The following TMEM132B variants were observed in gnomAD, a reference collection of about 807,000 sequenced individuals.
TMEM132B encodes the protein transmembrane protein 132B.
A neutral mutation model predicts 90.8 loss-of-function variants in TMEM132B; 18 were observed. The ratio of observed to expected loss-of-function variants is 0.20; its 90% CI spans 0.14 to 0.29. The LOEUF (loss-of-function observed/expected upper bound fraction) is 0.29, where lower values mean the gene tolerates loss of function less well. TMEM132B is among the 10% of genes least tolerant of loss of function. TMEM132B has a pLI of 1.00. For synonymous variants in TMEM132B, 504 were observed against 523.3 expected, an observed-to-expected ratio of 0.96 and a Z score of 0.50; for missense variants, 1,096 against 1,326.8, an observed-to-expected ratio of 0.83 and a Z score of 2.70.
chr12:125,647,500 T>C (rs1886796498), intron 6 of TMEM132B, among the ~76,000 whole-genome samples: 1 of 152,238 alleles, frequency 6.6e-6, no homozygotes, highest in African/African-American at 2.4e-5. Context: ...GCAATGAATT[T>C]CTTGCCTGAA....
Position 125,232,730 on chromosome 12 carries a change from A to G in TMEM132B, c.67+45864A>G, listed in dbSNP as rs77821175. Among the ~76,000 whole-genome samples, 1,124 of 152,314 alleles carry G rather than the reference A, an allele frequency of 7.4e-3. 11 individuals carry two copies. The highest frequency in any genetic ancestry group is 0.023 in the African/African-American group (953 of 41,566). ...CTCTCATGTTTTTCCTAAGGACCCAAGCTTCAAGCTTGACTTGTTTGGGCA... is the reference window on the plus strand; with the variant it reads ...CTCTCATGTTTTTCCTAAGGACCCAGGCTTCAAGCTTGACTTGTTTGGGCA... On this transcript the variant is annotated intron_variant, in intron 1 of 8. Transcript: ENST00000682704.
At chr12:125,577,284 T>G (rs1234492329) in intron 4 of TMEM132B, among the ~76,000 whole-genome samples, 1 of 151,552 alleles carries the variant, frequency 6.6e-6, no homozygotes, top group Non-Finnish European at 1.5e-5. Flanking sequence ...TGCTCTAGTA[T>G]TCCTCTATAA....
At chr12:125,279,406 T>C (rs1279601731) in intron 1 of TMEM132B, among the ~76,000 whole-genome samples, 1 of 152,206 alleles carries the variant, frequency 6.6e-6, no homozygotes, top group Non-Finnish European at 1.5e-5. Flanking sequence ...GTACAAACCA[T>C]GTGACTTATG....
intron 3 of TMEM132B, among the ~76,000 whole-genome samples, chr12:125,453,590 C>CA (rs1235377620): frequency 3.3e-5 from 5 of 152,026 alleles, no homozygotes; most frequent in Non-Finnish European, 5.9e-5. Context: ...AAACCAAGTG[C>CA]AAAAAAATCA....
intron 1 of TMEM132B, among the ~76,000 whole-genome samples, chr12:125,239,762 G>A (rs773466010): frequency 6.6e-6 from 1 of 152,216 alleles, no homozygotes; most frequent in Non-Finnish European, 1.5e-5. Context: ...GGAGGTGCCC[G>A]GCTTTCGCGA....
chr12:125,443,483 G>A (rs553264195), intron 3 of TMEM132B, among the ~76,000 whole-genome samples: 1 of 152,268 alleles, frequency 6.6e-6, no homozygotes, highest in East Asian at 1.9e-4. Context: ...GTGATTATGT[G>A]TTAGTCCCTC....
At chr12:125,545,072 C>T (rs1318621394) in intron 4 of TMEM132B, among the ~76,000 whole-genome samples, 1 of 152,130 alleles carries the variant, frequency 6.6e-6, no homozygotes, top group Non-Finnish European at 1.5e-5. Context: ...TAAGCGTGAC[C>T]TCCAGGTCTG....
At chr12:125,438,401 C>T (rs1880762345) in intron 3 of TMEM132B, among the ~76,000 whole-genome samples, 2 of 152,178 alleles carry the variant, frequency 1.3e-5, no homozygotes, top group African/African-American at 2.4e-5. Flanking sequence ...CTGGTGCCCA[C>T]GATCTGCTAT....
chr12:125,225,713 C>T (rs756809564), intron 1 of TMEM132B, among the ~76,000 whole-genome samples: 10 of 152,282 alleles, frequency 6.6e-5, no homozygotes, highest in East Asian at 1.9e-4. Flanking sequence ...CACTTACCTC[C>T]GCGGGGCTTG....
chr12:125,301,027 G>C (rs919038512), intron 1 of TMEM132B: 1 of 151,092 alleles, frequency 6.6e-6, no homozygotes, highest in African/African-American at 2.4e-5. Context: ...AGATATATAT[G>C]TATATATATA....
chr12:125,325,750 T>C (rs546157692), intron 1 of TMEM132B, among the ~76,000 whole-genome samples: 78 of 151,630 alleles, frequency 5.1e-4, no homozygotes, highest in Admixed American at 1.1e-3. Context: ...TTTGTTGTCG[T>C]TGTTGTTGTT....
At chr12:125,226,557 C>T (rs1188002039) in intron 1 of TMEM132B, among the ~76,000 whole-genome samples, 1 of 152,190 alleles carries the variant, frequency 6.6e-6, no homozygotes, top group African/African-American at 2.4e-5. Flanking sequence ...TGTCTACTTC[C>T]TTCCAGACAG....
rs1023451830 is a variant in TMEM132B, at chr12:125,643,934, C to T, written c.1438-142C>T. On this transcript the variant is annotated intron_variant, in intron 5 of 8. Coordinates refer to ENST00000682704, the MANE Select transcript of TMEM132B (RefSeq NM_001366854.1). ...GTCACTAATTAGTGCCTACAAATTA[C>T]CTTTTGTACAAGTTCTGTTCATTGG... 5 of 691,642 alleles carry T rather than the reference C, an allele frequency of 7.2e-6. No individual in the cohort carries two copies. The African/African-American group carries it at 9.0e-5, about 12-fold the overall frequency. 42.8% of individuals were successfully genotyped at this position (691,642 alleles called of 1,614,324 possible). A position where few individuals can be genotyped will look rare whatever the true frequency, so the allele number is the denominator to read the frequency against.
chr12:125,525,348 G>A (rs1452176303), intron 4 of TMEM132B, among the ~76,000 whole-genome samples: 2 of 152,218 alleles, frequency 1.3e-5, no homozygotes, highest in African/African-American at 4.8e-5. Context: ...TACCAGGTGA[G>A]GCCTTTTGGA....
chr12:125,415,580 G>A lies in TMEM132B; in HGVS notation c.1009G>A (p.Glu337Lys). Reference sequence around the variant, plus strand: ...GATAACGGCAGTGAGAGTCAGCAGTGAGGACCAATGGGCAGTCCAGGAGGA... The same window carrying A: ...GATAACGGCAGTGAGAGTCAGCAGTAAGGACCAATGGGCAGTCCAGGAGGA... ...VKITAVRVSS[E>K]DQWAVQEEID... is the part of the protein sequence containing the mutation. The change falls in exon 3 of 9, where the codon GAG becomes AAG. Residue 337 changes from glutamate (E) to lysine (K), a missense_variant. Glu to Lys is a moderately conservative substitution (Grantham distance 56, BLOSUM62 1). Coordinates refer to ENST00000682704, the MANE Select transcript of TMEM132B (RefSeq NM_001366854.1). The surrounding 1 kb of genome is among the most constrained non-coding windows in gnomAD (Gnocchi z 5.3). The A allele has an allele frequency of 6.2e-7, 1 of 1,614,214 alleles. No homozygotes were observed. Among genetic ancestry groups the A allele is most frequent in the Non-Finnish European group, 8.5e-7 (1 of 1,180,046 alleles).
rs1883769470 is a variant in TMEM132B, at chr12:125,535,379, C to T, written c.1293+15754C>T. ...GTGTTTAACTGGGAGTCCCACAGGG[C>T]TTGGTAACCTGTGAAATGCTGCTGA... On this transcript the variant is annotated intron_variant, in intron 4 of 8. Transcript: ENST00000682704. 2.6e-5 allele frequency among the ~76,000 whole-genome samples: 4 copies of T among 152,288 alleles called. No homozygotes were observed. The South Asian group carries it at 8.3e-4, about 32-fold the overall frequency.
chr12:125,276,705 A>C (rs1875000189), intron 1 of TMEM132B, among the ~76,000 whole-genome samples: 1 of 152,038 alleles, frequency 6.6e-6, no homozygotes. Context: ...CCTTGACCTG[A>C]CCCTTGTTGG....
At chr12:125,234,412 C>T (rs1390298023) in intron 1 of TMEM132B, among the ~76,000 whole-genome samples, 2 of 152,154 alleles carry the variant, frequency 1.3e-5, no homozygotes, top group African/African-American at 4.8e-5. Context: ...CCATCACCTC[C>T]CGCTGAAACC....
intron 2 of TMEM132B, among the ~76,000 whole-genome samples, chr12:125,397,597 A>G (rs576102432): frequency 2.6e-4 from 39 of 152,282 alleles, no homozygotes; most frequent in South Asian, 6.2e-4. Context: ...CATGGTGTGT[A>G]TATATTTGTG....
Sources: allele counts gnomAD v4.1 joint callset (sites outside exome capture counted in the v4.1 genomes callset), GRCh38; gene constraint gnomAD v4.1.1; non-coding constraint Gnocchi (gnomAD v3.1); transcripts MANE v1.5; gene names NCBI Gene and HGNC (gene_info 2026-07-23, HGNC 2026-07-21).